Variants in TRMT5 observed in about 807,000 individuals in gnomAD.
TRMT5 encodes tRNA methyltransferase 5.
A neutral mutation model predicts 42.2 loss-of-function variants in TRMT5; 31 were observed. The ratio of observed to expected loss-of-function variants is 0.73; its 90% CI spans 0.55 to 0.99. TRMT5 has a LOEUF of 0.99. TRMT5 is among the 50% of genes least tolerant of loss of function. The pLI is 0.00. For missense variants in TRMT5, 568 were observed against 595.0 expected, an observed-to-expected ratio of 0.95 and a Z score of 0.47; for synonymous variants, 198 against 209.6, an observed-to-expected ratio of 0.94 and a Z score of 0.48.
rs1212577186 is a variant in TRMT5 at position 60,975,012 on chromosome 14, T to G, written c.*97A>C. On this transcript the variant is annotated 3_prime_UTR_variant, in exon 5 of 5. Coordinates refer to ENST00000261249, the MANE Select transcript of TRMT5 (RefSeq NM_020810.3). The stretch of plus-strand genomic sequence containing the variant: ...GTAAAATAAGGCAAAGTACAAGGGT[T>G]CAATAGTAAAAACCAAACCCTAAAA... 1.1e-6 allele frequency: 1 copy of G among 933,912 alleles called. No homozygotes were observed. The highest frequency in any genetic ancestry group is 2.8e-5 in the East Asian group (1 of 36,252). The allele number at this position is 933,912 out of a possible 1,614,324, so 57.9% of individuals were successfully genotyped here.
Position 60,975,741 on chromosome 14 carries a change from A to G in TRMT5, c.1178T>C (p.Ile393Thr), listed in dbSNP as rs2036838220. 6.2e-7 allele frequency: 1 copy of G among 1,614,230 alleles called. No individual in the cohort carries two copies. Among genetic ancestry groups the G allele is most frequent in the South Asian group, 1.1e-5 (1 of 91,090 alleles). The stretch of plus-strand genomic sequence containing the variant: ...CCACTTGAAAGCACTAAGAAACTCT[A>G]TAGCTTTTGCTGGCAAGTTCATGAC... ...HVVMNLPAKA[I>T]EFLSAFKWLL... is the part of the protein sequence containing the mutation. Residue 393 changes from isoleucine (I) to threonine (T), a missense_variant, in exon 4 of 5, where the codon ATA becomes ACA. Transcript: ENST00000261249.
Position 60,979,380 on chromosome 14 carries a change from A to C in TRMT5, c.518T>G (p.Leu173Trp), listed in dbSNP as rs1336452847. ...NVSPQISKYN[L>W]ELTYEHFKSE... ...CTTAAAGTGTTCATATGTTAGTTCC[A>C]AATTGTATTTAGAGATCTGTGGACT... Residue 173 changes from leucine (L) to tryptophan (W), a missense_variant, in exon 2 of 5, where the codon TTG (leucine) becomes TGG (tryptophan). Coordinates refer to ENST00000261249, the MANE Select transcript of TRMT5 (RefSeq NM_020810.3). 1 of 1,614,186 alleles carries C rather than the reference A, an allele frequency of 6.2e-7. No individual in the cohort carries two copies. Among genetic ancestry groups the C allele is most frequent in the East Asian group, 2.2e-5 (1 of 44,880 alleles).
chr14:60,975,837 T>C lies in TRMT5; in HGVS notation c.1082A>G (p.Gln361Arg). 1 of 1,614,232 alleles carries C rather than the reference T, an allele frequency of 6.2e-7. No individual in the cohort carries two copies. The highest frequency in any genetic ancestry group is 1.7e-5 in the Admixed American group (1 of 60,028). ...VFNLDGKDFL[Q>R]GPVKEELMQL... is the part of the protein sequence containing the mutation. ...CATTAACTCTTCTTTGACTGGTCCT[T>C]GGAGGAAGTCTTTCCCATCCAAGTT... is the stretch of plus-strand genomic sequence containing the variant. Residue 361 changes from glutamine to arginine, a missense_variant, in exon 4 of 5, where the codon CAA becomes CGA. Coordinates refer to ENST00000261249, the MANE Select transcript of TRMT5 (RefSeq NM_020810.3).
Position 60,974,098 on chromosome 14 carries a change from C to T in TRMT5, c.*1011G>A, listed in dbSNP as rs376198566. On this transcript the variant is annotated 3_prime_UTR_variant, in exon 5 of 5. Transcript: ENST00000261249. Reference sequence around the variant, plus strand: ...TCAAAATAATTCACACCCTACTGTACTTTAAAAATAACAACAAAGTCCACT... The same window carrying T: ...TCAAAATAATTCACACCCTACTGTATTTTAAAAATAACAACAAAGTCCACT... The T allele has an allele frequency of 6.6e-6, 1 of 152,194 alleles. No homozygotes were observed. The highest frequency in any genetic ancestry group is 6.5e-5 in the Admixed American group (1 of 15,288). 9.4% of individuals were successfully genotyped at this position (152,194 alleles called of 1,614,324 possible).
Position 60,979,390 on chromosome 14 carries a change from T to C in TRMT5, c.508A>G (p.Lys170Glu), listed in dbSNP as rs114836913. Reference protein sequence around the residue: ...EQLNVSPQISKYNLELTYEHF... With the variant: ...EQLNVSPQISEYNLELTYEHF... ...TCATATGTTAGTTCCAAATTGTATT[T>C]AGAGATCTGTGGACTGACATTAAGC... The change falls in exon 2 of 5, where the codon AAA becomes GAA. Residue 170 changes from lysine (K) to glutamate (E), a missense_variant. By Grantham distance (56) the Lys-to-Glu change is moderately conservative (BLOSUM62 1). Coordinates refer to ENST00000261249, the MANE Select transcript of TRMT5 (RefSeq NM_020810.3). The C allele has an allele frequency of 1.2e-6, 2 of 1,614,140 alleles. No individual in the cohort carries two copies. The highest frequency in any genetic ancestry group is 2.2e-5 in the East Asian group (1 of 44,878).
intron 3 of TRMT5, among the ~76,000 whole-genome samples, chr14:60,976,476 T>C (rs970528835): frequency 1.3e-5 from 2 of 152,226 alleles, no homozygotes; most frequent in Admixed American, 6.5e-5. Context: ...TATACTCTTA[T>C]GTCACCAGAT....
At chr14:60,981,131 A>ACTCG, upstream of TRMT5, 2 of 1,554,388 alleles carry the variant, frequency 1.3e-6, no homozygotes, top group Non-Finnish European at 1.7e-6. Context: ...GATCAAGTCG[A>ACTCG]CTCGCTCCTC....
At chr14:60,980,009 T>C in intron 1 of TRMT5, 123 bp from the exon 2 acceptor site, 1 of 1,101,490 alleles carries the variant, frequency 9.1e-7, no homozygotes, top group Non-Finnish European at 1.2e-6. Flanking sequence ...GTGGGAAGTA[T>C]ACTATCTTTT....
upstream of TRMT5, chr14:60,981,377 A>G (rs1240276110): frequency 6.3e-7 from 1 of 1,597,542 alleles, no homozygotes; most frequent in South Asian, 1.1e-5. Flanking sequence ...TCCGTTGCTA[A>G]GCAACGTAAG....
At chr14:60,979,943 A>AT in intron 1 of TRMT5, 57 bp from the exon 2 acceptor site, 1 of 1,484,956 alleles carries the variant, frequency 6.7e-7, no homozygotes, top group Non-Finnish European at 8.9e-7. Flanking sequence ...AAAAATCTAA[A>AT]TTCTACTATC....
rs1004628531 is a variant in TRMT5, at chr14:60,972,627, CT to C, written c.*2481del. The stretch of plus-strand genomic sequence containing the variant: ...AATATAGCCCAATTTTTTGTAATGC[CT>C]TTTTTGGTGAGAATAACATTGCCTC... On this transcript the variant is annotated 3_prime_UTR_variant, in exon 5 of 5. Coordinates refer to ENST00000261249, the MANE Select transcript of TRMT5 (RefSeq NM_020810.3). 1.9e-4 allele frequency: 63 copies of C among 325,538 alleles called. No homozygotes were observed. The highest frequency in any genetic ancestry group is 3.1e-4 in the Non-Finnish European group (52 of 167,394). The allele number at this position is 325,538 out of a possible 1,614,324, so 20.2% of individuals were successfully genotyped here.
Position 60,972,540 on chromosome 14 carries a change from G to A in TRMT5, c.*2569C>T. On this transcript the variant is annotated 3_prime_UTR_variant, in exon 5 of 5. Coordinates refer to ENST00000261249, the MANE Select transcript of TRMT5 (RefSeq NM_020810.3). ...AGCGCGCGGGCTTTGGTCGGTCCAG[G>A]GGTCGTTCTTGCCTCTTCTCCTTCA... 1 of 418,984 alleles carries A rather than the reference G, an allele frequency of 2.4e-6. No homozygotes were observed. The highest frequency in any genetic ancestry group is 4.6e-6 in the Non-Finnish European group (1 of 215,128). The allele number at this position is 418,984 out of a possible 1,614,324, so 26.0% of individuals were successfully genotyped here. A position where few individuals can be genotyped will look rare whatever the true frequency, so the allele number is the denominator to read the frequency against.
At chr14:60,976,190 G>A (rs979058885) in intron 3 of TRMT5, 64 bp from the exon 4 acceptor site, 1 of 1,531,400 alleles carries the variant, frequency 6.5e-7, no homozygotes, top group Non-Finnish European at 8.8e-7. Context: ...CATTGATATT[G>A]GATAGGTTGT....
upstream of TRMT5, chr14:60,981,309 A>AG: frequency 6.2e-7 from 1 of 1,610,452 alleles, no homozygotes; most frequent in South Asian, 1.1e-5. Context: ...TTCAACGCTG[A>AG]GCGGGGCTGG....
At chr14:60,977,420 C>T in intron 3 of TRMT5, 94 bp downstream of exon 3, 1 of 1,299,128 alleles carries the variant, frequency 7.7e-7, no homozygotes, top group South Asian at 1.6e-5. Context: ...TACTCACCAA[C>T]ACTGGATGTT....
upstream of TRMT5, chr14:60,981,110 G>A (rs2036973609): frequency 3.2e-6 from 5 of 1,580,402 alleles, no homozygotes; most frequent in Non-Finnish European, 4.3e-6. Context: ...CGAAGAGGGC[G>A]CGCGTCATCA....
Position 60,975,470 on chromosome 14 carries a change from C to T in TRMT5, c.1444+5G>A. 6.2e-7 allele frequency: 1 copy of T among 1,603,382 alleles called. No individual in the cohort carries two copies. Among genetic ancestry groups the T allele is most frequent in the South Asian group, 1.1e-5 (1 of 90,106 alleles). On this transcript the variant is annotated splice_donor_5th_base_variant and intron_variant, in intron 4 of 4. Transcript: ENST00000261249. ...TTTACATTTAATTTCCCAGAAACTG[C>T]TCACCTGGATTTCTGGTCTGGTTCT...
chr14:60,975,250 C>T lies in TRMT5; in HGVS notation c.1445-56G>A, dbSNP rs1483925875. 2.7e-6 allele frequency: 4 copies of T among 1,458,156 alleles called. No individual in the cohort carries two copies. The African/African-American group carries it at 4.3e-5, about 16-fold the overall frequency. The allele number at this position is 1,458,156 out of a possible 1,614,324, so 90.3% of individuals were successfully genotyped here. Reference sequence around the variant, plus strand: ...TAAGATATTAACAGTTGAAAATACTCTTAAAAAAACAAACAATATAGGCAT... The same window carrying T: ...TAAGATATTAACAGTTGAAAATACTTTTAAAAAAACAAACAATATAGGCAT... On this transcript the variant is annotated intron_variant, in intron 4 of 4. Transcript: ENST00000261249.
chr14:60,977,228 CTG>C (rs2036859416), intron 3 of TRMT5, among the ~76,000 whole-genome samples: 1 of 152,154 alleles, frequency 6.6e-6, no homozygotes, highest in African/African-American at 2.4e-5. Flanking sequence ...ATATTGCTTT[CTG>C]GCAATTGTCC....
Sources: allele counts gnomAD v4.1 joint callset (sites outside exome capture counted in the v4.1 genomes callset), GRCh38; gene constraint gnomAD v4.1.1; transcripts MANE v1.5; gene names NCBI Gene and HGNC (gene_info 2026-07-23, HGNC 2026-07-21).